The following PALM3 variants were observed in gnomAD, a reference collection of about 807,000 sequenced individuals.
PALM3 encodes the protein paralemmin 3.
In PALM3, 20 loss-of-function variants were observed where a neutral mutation model predicts 27.9. That is an observed-to-expected ratio of 0.72 (90% confidence interval 0.50 to 1.04). PALM3 has a LOEUF of 1.04. Among genes scored for constraint, PALM3 ranks in the 50% least tolerant of loss-of-function variants. The pLI is 0.00. For synonymous variants in PALM3, 328 were observed against 352.7 expected (o/e 0.93, Z 0.79); for missense variants, 814 against 869.4 (o/e 0.94, Z 0.80).
In PALM3 at chr19:14,054,465, C is replaced by G. The variant is rs934749585; in HGVS notation, c.1207G>C (p.Glu403Gln). The G allele has an allele frequency of 3.2e-6, 5 of 1,551,602 alleles. No individual in the cohort carries two copies. The highest frequency in any genetic ancestry group is 4.4e-6 in the Non-Finnish European group (5 of 1,146,892). The change falls in exon 7 of 7, where the codon GAG becomes CAG. Residue 403 changes from glutamate to glutamine, a missense_variant. Glu to Gln is a conservative substitution (Grantham distance 29, BLOSUM62 2). Transcript: ENST00000669674. The stretch of plus-strand genomic sequence containing the variant: ...CTCTTCTCTGCCTCCCAGGTCTCCT[C>G]GCCTCCTCCCGTCTTGGCCCCCTCG... ...GAEGAKTGGG[E>Q]ETWEAEKRKA...
In PALM3 at chr19:14,054,549, C is replaced by T; in HGVS notation, c.1123G>A (p.Gly375Arg). Residue 375 changes from glycine (G) to arginine (R), a missense_variant, in exon 7 of 7, where the codon GGG (glycine) becomes AGG (arginine). By Grantham distance (125) the Gly-to-Arg change is moderately radical (BLOSUM62 -2). Coordinates refer to ENST00000669674, the MANE Select transcript of PALM3 (RefSeq NM_001145028.2). ...CCTGCCACCTCGGGCCCTTCCAACC[C>T]CTCCACCAGCAGCTCCTCCCACTCT... ...SEEWEELLVEGLEGPEVAGRE... is the reference protein window; with the variant it reads ...SEEWEELLVERLEGPEVAGRE... 1 of 1,551,854 alleles carries T rather than the reference C, an allele frequency of 6.4e-7. No homozygotes were observed.
Position 14,053,928 on chromosome 19 carries a change from C to A in PALM3, c.1744G>T (p.Glu582Ter). The change falls in exon 7 of 7, where the codon GAG becomes TAG. Residue 582 changes from glutamate to a stop codon, truncating the protein, a stop_gained. Coordinates refer to ENST00000669674, the MANE Select transcript of PALM3 (RefSeq NM_001145028.2). LOFTEE classifies it low-confidence loss of function (END_TRUNC). ...EAGPPLEANTETRPEKEGPQP... is the reference protein window; with the variant it reads ...EAGPPLEANT ...GGTCCTTCCTTCTCTGGCCTTGTCTCCGTGTTAGCCTCAAGGGGAGGCCCT... is the reference window on the plus strand; with the variant it reads ...GGTCCTTCCTTCTCTGGCCTTGTCTACGTGTTAGCCTCAAGGGGAGGCCCT... 2 of 1,551,648 alleles carry A rather than the reference C, an allele frequency of 1.3e-6. No homozygotes were observed. Among genetic ancestry groups the A allele is most frequent in the Non-Finnish European group, 1.7e-6 (2 of 1,146,944 alleles).
In PALM3 at chr19:14,053,644, G is replaced by T; in HGVS notation, c.2028C>A (p.Gly676=). The T allele has an allele frequency of 6.8e-7, 1 of 1,465,854 alleles. No homozygotes were observed. Among genetic ancestry groups the T allele is most frequent in the Non-Finnish European group, 9.0e-7 (1 of 1,109,072 alleles). The allele number at this position is 1,465,854 out of a possible 1,614,324, so 90.8% of individuals were successfully genotyped here. A position where few individuals can be genotyped will look rare whatever the true frequency, so the allele number is the denominator to read the frequency against. The stretch of plus-strand genomic sequence containing the variant: ...AACACTGGCACGTCTTTTGCTTAGG[G>T]CCACTTGCCTCTTCACCCTCGGTGG... ...SAPTEGEEAS[G]PKQKTCQCCA... The change falls in exon 7 of 7, where the codon GGC becomes GGA. Residue 676 remains glycine, a synonymous_variant. Transcript: ENST00000669674.
rs1254009109 is a variant in PALM3, at chr19:14,056,730, C to G, written c.246G>C (p.Ser82=). ...AVPEPSEDPT[S]KDPQSPEGQA... ...GGCCCTCGGGTGACTGGGGGTCCTT[C>G]GAGGTGGGGTCTTCGGATGGCTCTG... Residue 82 remains serine (S), a synonymous_variant, in exon 4 of 7, where the codon TCG becomes TCC. Transcript: ENST00000669674. 6.4e-7 allele frequency: 1 copy of G among 1,551,598 alleles called. No individual in the cohort carries two copies. Among genetic ancestry groups the G allele is most frequent in the African/African-American group, 1.4e-5 (1 of 73,054 alleles).
Position 14,054,136 on chromosome 19 carries a change from T to C in PALM3, c.1536A>G (p.Pro512=). 6.4e-7 allele frequency: 1 copy of C among 1,551,828 alleles called. No individual in the cohort carries two copies. Among genetic ancestry groups the C allele is most frequent in the Non-Finnish European group, 8.7e-7 (1 of 1,147,000 alleles). ...GVEKKGGEEE[P]EATKEPLEAE... is the part of the protein sequence containing the mutation. ...CCTCCAGTGGTTCTTTGGTTGCCTC[T>C]GGCTCTTCCTCACCTCCTTTCTTCT... The change falls in exon 7 of 7, where the codon CCA becomes CCG. Residue 512 remains proline (P), a synonymous_variant. Coordinates refer to ENST00000669674, the MANE Select transcript of PALM3 (RefSeq NM_001145028.2).
In PALM3 at chr19:14,059,108, C is replaced by G; in HGVS notation, c.90+7G>C. ...GGTGCCCAGGGCGCGGGGAGGGCGT[C>G]ACTTACAGCGATGACTTCTAGCCGC... On this transcript the variant is annotated splice_region_variant and intron_variant, in intron 2 of 6. Transcript: ENST00000669674. 6.9e-7 allele frequency: 1 copy of G among 1,451,794 alleles called. No individual in the cohort carries two copies. The highest frequency in any genetic ancestry group is 1.4e-5 in the South Asian group (1 of 71,216). The allele number at this position is 1,451,794 out of a possible 1,614,324, so 89.9% of individuals were successfully genotyped here. A position where few individuals can be genotyped will look rare whatever the true frequency, so the allele number is the denominator to read the frequency against.
chr19:14,059,068 G>T (rs1171210130), intron 2 of PALM3, 47 bp downstream of exon 2: 3 of 1,442,224 alleles, frequency 2.1e-6, no homozygotes, highest in African/African-American at 3.0e-5. Flanking sequence ...AAGGGAGCAT[G>T]GTGGAAAGTT....
At chr19:14,056,826 G>A (rs1380156010) in intron 3 of PALM3, 22 bp from the exon 4 acceptor site, 11 of 1,532,202 alleles carry the variant, frequency 7.2e-6, no homozygotes, top group Non-Finnish European at 9.7e-6. Context: ...AAGGGAGTTG[G>A]GGCTGGGCAT....
At chr19:14,061,198 G>C (rs1257032582) in intron 1 of PALM3, among the ~76,000 whole-genome samples, 1 of 152,180 alleles carries the variant, frequency 6.6e-6, no homozygotes, top group Non-Finnish European at 1.5e-5. Flanking sequence ...TCCTTGCTGG[G>C]GGGGATCGGG....
Position 14,059,136 on chromosome 19 carries a change from C to T in PALM3, c.69G>A (p.Arg23=). Reference sequence around the variant, plus strand: ...TTACAGCGATGACTTCTAGCCGCTGCCGGTAGAGGGAGCTCTCCGCCATGG... The same window carrying T: ...TTACAGCGATGACTTCTAGCCGCTGTCGGTAGAGGGAGCTCTCCGCCATGG... ...PMPMAESSLY[R]QRLEVIAEKR... The change falls in exon 2 of 7, where the codon CGG becomes CGA. Residue 23 remains arginine, a synonymous_variant. Transcript: ENST00000669674. The T allele has an allele frequency of 7.0e-7, 1 of 1,435,230 alleles. No individual in the cohort carries two copies. Among genetic ancestry groups the T allele is most frequent in the South Asian group, 1.5e-5 (1 of 68,802 alleles). The allele number at this position is 1,435,230 out of a possible 1,614,324, so 88.9% of individuals were successfully genotyped here.
chr19:14,056,307 G>T, intron 5 of PALM3, 122 bp downstream of exon 5: 1 of 970,444 alleles, frequency 1.0e-6, no homozygotes, highest in Non-Finnish European at 1.6e-6. Flanking sequence ...GCGGGAAGCG[G>T]ATCTGAATGC....
chr19:14,059,779 C>G (rs1159102170), intron 1 of PALM3, among the ~76,000 whole-genome samples: 2 of 152,078 alleles, frequency 1.3e-5, no homozygotes, highest in Non-Finnish European at 2.9e-5. Context: ...AACCCCAGAG[C>G]TGCCTCCTCC....
At position 14,053,857 on chromosome 19, in the gene PALM3, C is replaced by T. The variant is rs1976236384; in HGVS notation, c.1815G>A (p.Val605=). 1 of 1,551,486 alleles carries T rather than the reference C, an allele frequency of 6.4e-7. No homozygotes were observed. Among genetic ancestry groups the T allele is most frequent in the Non-Finnish European group, 8.7e-7 (1 of 1,146,868 alleles). The change falls in exon 7 of 7, where the codon GTG becomes GTA. Residue 605 remains valine, a synonymous_variant. Transcript: ENST00000669674. ...KPVGALEEEG[V]KPQTAAEGQG... ...GGCCCTCAGCAGCGGTTTGGGGCTT[C>T]ACTCCTTCCTCCTCCAGGGCTCCTA...
At chr19:14,057,286 C>A in intron 3 of PALM3, 65 bp downstream of exon 3, 2 of 1,277,152 alleles carry the variant, frequency 1.6e-6, no homozygotes. Context: ...TCCCCCAAAC[C>A]GACTTGCACA....
chr19:14,061,448 C>T (rs948649403), intron 1 of PALM3, among the ~76,000 whole-genome samples: 27 of 152,318 alleles, frequency 1.8e-4, no homozygotes, highest in Non-Finnish European at 3.2e-4. Context: ...GGAAGAACAA[C>T]GTAGGCGGCC....
Position 14,054,483 on chromosome 19 carries a change from C to T in PALM3, c.1189G>A (p.Ala397Thr), listed in dbSNP as rs1204669799. 2.6e-6 allele frequency: 4 copies of T among 1,551,168 alleles called. No individual in the cohort carries two copies. The highest frequency in any genetic ancestry group is 3.5e-6 in the Non-Finnish European group (4 of 1,146,754). ...GDESPLGAEG[A>T]KTGGGEETWE... Reference sequence around the variant, plus strand: ...GTCTCCTCGCCTCCTCCCGTCTTGGCCCCCTCGGCCCCCAGCGGGCTTTCA... The same window carrying T: ...GTCTCCTCGCCTCCTCCCGTCTTGGTCCCCTCGGCCCCCAGCGGGCTTTCA... Residue 397 changes from alanine to threonine, a missense_variant, in exon 7 of 7, where the codon GCC becomes ACC. Coordinates refer to ENST00000669674, the MANE Select transcript of PALM3 (RefSeq NM_001145028.2).
chr19:14,054,110 G>C lies in PALM3; in HGVS notation c.1562C>G (p.Ala521Gly). The change falls in exon 7 of 7, where the codon GCA becomes GGA. Residue 521 changes from alanine (A) to glycine (G), a missense_variant. Ala to Gly is a moderately conservative substitution (Grantham distance 60, BLOSUM62 0). Coordinates refer to ENST00000669674, the MANE Select transcript of PALM3 (RefSeq NM_001145028.2). ...EPEATKEPLE[A>G]ERKGGEETLE... ...TGTCTCCTCCCCTCCCTTTCTCTCTGCCTCCAGTGGTTCTTTGGTTGCCTC... is the reference window on the plus strand; with the variant it reads ...TGTCTCCTCCCCTCCCTTTCTCTCTCCCTCCAGTGGTTCTTTGGTTGCCTC... 2 of 1,551,016 alleles carry C rather than the reference G, an allele frequency of 1.3e-6. No homozygotes were observed. Among genetic ancestry groups the C allele is most frequent in the Non-Finnish European group, 1.7e-6 (2 of 1,146,840 alleles).
rs1053034691 is a variant in PALM3, at chr19:14,061,924, C to A, written c.41+16G>T. 1 of 984,320 alleles carries A rather than the reference C, an allele frequency of 1.0e-6. No individual in the cohort carries two copies. The highest frequency in any genetic ancestry group is 1.2e-6 in the Non-Finnish European group (1 of 829,094). 61.0% of individuals were successfully genotyped at this position (984,320 alleles called of 1,614,324 possible). On this transcript the variant is annotated intron_variant, in intron 1 of 6. Transcript: ENST00000669674. ...AGGCCCTGCCCACCAGCCCCCCTGA[C>A]CCCCCAGACACTTACATGGGTGTGG...
intron 5 of PALM3, among the ~76,000 whole-genome samples, chr19:14,056,202 C>G (rs1280354523): frequency 6.6e-6 from 1 of 152,222 alleles, no homozygotes; most frequent in Non-Finnish European, 1.5e-5. Flanking sequence ...AGCCACCATG[C>G]CTGGCCTATA....
Sources: gnomAD v4.1 joint callset for allele counts (sites outside exome capture counted in the v4.1 genomes callset) on GRCh38, gnomAD v4.1.1 for gene constraint, MANE v1.5 for transcripts, NCBI Gene and HGNC (gene_info 2026-07-23, HGNC 2026-07-21) for gene names.